The following ARHGEF28 variants were observed in gnomAD, a reference collection of about 807,000 sequenced individuals.
ARHGEF28 encodes Rho guanine nucleotide exchange factor 28, also known as 190 kDa guanine nucleotide exchange factor.
In ARHGEF28, 152 loss-of-function variants were observed where a neutral mutation model predicts 206.6. That is an observed-to-expected ratio of 0.74 (90% CI 0.64 to 0.84). The LOEUF (loss-of-function observed/expected upper bound fraction) is 0.84. Ranked by LOEUF, ARHGEF28 falls within the 40% of genes least tolerant of loss-of-function variation. The probability of loss-of-function intolerance (pLI) is 0.00; values close to 1 mark genes in which losing one functional copy is unlikely to be tolerated. For synonymous variants in ARHGEF28, 763 were observed against 776.4 expected (o/e 0.98, Z 0.29); for missense variants, 2,028 against 2,073.2 (o/e 0.98, Z 0.42).
chr5:73,641,190 G>A (rs1038871413), intron 1 of ARHGEF28, among the ~76,000 whole-genome samples: 2 of 152,164 alleles, frequency 1.3e-5, no homozygotes, highest in African/African-American at 4.8e-5. Flanking sequence ...CCCTCTTTCA[G>A]GAAAAATGAG....
At chr5:73,898,589 T>TCA (rs368329274) in intron 30 of ARHGEF28, 7 of 152,988 alleles carry the variant, frequency 4.6e-5, no homozygotes, top group Admixed American at 1.3e-4. Context: ...TCTCTCTCTC[T>TCA]CACACACACG....
intron 1 of ARHGEF28, among the ~76,000 whole-genome samples, chr5:73,626,532 G>GA (rs1743017636): frequency 6.6e-6 from 1 of 152,098 alleles, no homozygotes; most frequent in Non-Finnish European, 1.5e-5. Context: ...AACAAGTGGA[G>GA]AGGGCGGCGC....
intron 1 of ARHGEF28, among the ~76,000 whole-genome samples, chr5:73,673,884 C>A (rs1580467121): frequency 6.6e-6 from 1 of 151,850 alleles, no homozygotes; most frequent in South Asian, 2.1e-4. Flanking sequence ...GCAATTAAGA[C>A]ATACTGTAGG....
chr5:73,870,060 AC>A lies in ARHGEF28; in HGVS notation c.2426-8del, dbSNP rs752225772. Reference sequence around the variant, plus strand: ...TACTTCTGGCTTTTCTTTTCTAAACACACATTAGATGTTGTGGATTCTTCTC... The same window carrying A: ...TACTTCTGGCTTTTCTTTTCTAAACAACATTAGATGTTGTGGATTCTTCTC... On this transcript the variant is annotated splice_polypyrimidine_tract_variant and splice_region_variant and intron_variant, in intron 20 of 35. Coordinates refer to ENST00000513042, the MANE Select transcript of ARHGEF28 (RefSeq NM_001177693.2). 8.7e-6 allele frequency: 14 copies of A among 1,606,952 alleles called. No homozygotes were observed. The African/African-American group carries it at 1.9e-4, about 22-fold the overall frequency.
At chr5:73,750,990 T>G (rs905160) in intron 3 of ARHGEF28, among the ~76,000 whole-genome samples, 44,431 of 152,206 alleles carry the variant, frequency 0.29, 6,741 homozygotes, top group African/African-American at 0.34. Context: ...CAGATACCTC[T>G]TAGCTCTACC....
At chr5:73,810,531 C>A (rs1425472560) in intron 9 of ARHGEF28, among the ~76,000 whole-genome samples, 4 of 152,084 alleles carry the variant, frequency 2.6e-5, no homozygotes, top group Non-Finnish European at 5.9e-5. Flanking sequence ...GGAGGAACAG[C>A]CTATTCCAGT....
intron 10 of ARHGEF28, among the ~76,000 whole-genome samples, chr5:73,836,790 C>T (rs932248515): frequency 2.0e-5 from 3 of 152,036 alleles, no homozygotes; most frequent in Admixed American, 2.0e-4. Context: ...TTTATGGTCT[C>T]AGGTTTTATG....
chr5:73,880,132 C>T (rs2973579), intron 22 of ARHGEF28, among the ~76,000 whole-genome samples: 84,379 of 151,846 alleles, frequency 0.56, 24,211 homozygotes, highest in African/African-American at 0.69. Flanking sequence ...TGGGCAATGG[C>T]GGGCGCCCCT....
At chr5:73,812,922 G>A (rs146946990) in intron 9 of ARHGEF28, among the ~76,000 whole-genome samples, 2 of 152,204 alleles carry the variant, frequency 1.3e-5, no homozygotes, top group East Asian at 3.9e-4. Context: ...TTAAAAGGGC[G>A]GTGAGACTGG....
intron 5 of ARHGEF28, among the ~76,000 whole-genome samples, 197 bp from the exon 6 acceptor site, chr5:73,776,319 C>A (rs571403092): frequency 9.5e-4 from 144 of 152,290 alleles, no homozygotes; most frequent in African/African-American, 3.4e-3. Flanking sequence ...CAATAGACTT[C>A]TTCTCTAGGT....
chr5:73,780,303 G>A (rs1164927274), intron 6 of ARHGEF28: 3 of 215,376 alleles, frequency 1.4e-5, no homozygotes, highest in African/African-American at 6.9e-5. Context: ...CTGTGTCTTA[G>A]GATGTGGATT....
chr5:73,879,702 T>C (rs1263663087), intron 22 of ARHGEF28, among the ~76,000 whole-genome samples: 1 of 152,214 alleles, frequency 6.6e-6, no homozygotes, highest in African/African-American at 2.4e-5. Flanking sequence ...CCAGACCCTG[T>C]TTGCCTGGGT....
chr5:73,888,918 A>T (rs946510691), intron 26 of ARHGEF28, among the ~76,000 whole-genome samples: 2 of 152,198 alleles, frequency 1.3e-5, no homozygotes, highest in Non-Finnish European at 2.9e-5. Context: ...TACTGATACT[A>T]TTTCTTAAAT....
intron 1 of ARHGEF28, among the ~76,000 whole-genome samples, chr5:73,677,237 G>A (rs1464503526): frequency 2.0e-5 from 3 of 152,082 alleles, no homozygotes; most frequent in African/African-American, 7.2e-5. Context: ...AGATAGCATT[G>A]GCTTCTTCAT....
At chr5:73,687,286 A>G (rs1747532658) in intron 2 of ARHGEF28, among the ~76,000 whole-genome samples, 1 of 152,094 alleles carries the variant, frequency 6.6e-6, no homozygotes, top group Non-Finnish European at 1.5e-5. Context: ...ATTCTAGGTA[A>G]TTAAAAATTA....
intron 26 of ARHGEF28, among the ~76,000 whole-genome samples, chr5:73,890,914 T>A (rs1385311136): frequency 2.6e-5 from 4 of 152,250 alleles, no homozygotes; most frequent in Admixed American, 6.5e-5. Context: ...CCAAGCATCA[T>A]CAGTGTGCTG....
At chr5:73,806,333 A>G (rs573740209) in intron 9 of ARHGEF28, among the ~76,000 whole-genome samples, 3 of 131,614 alleles carry the variant, frequency 2.3e-5, no homozygotes, top group African/African-American at 8.9e-5. Flanking sequence ...TCTATAGAGT[A>G]TATATATACT....
intron 4 of ARHGEF28, among the ~76,000 whole-genome samples, chr5:73,770,192 C>T (rs1753144801): frequency 6.6e-6 from 1 of 152,122 alleles, no homozygotes; most frequent in African/African-American, 2.4e-5. Flanking sequence ...CAGATAGTAA[C>T]CATAGAGTTA....
chr5:73,891,245 C>T (rs1204758096), intron 26 of ARHGEF28, among the ~76,000 whole-genome samples: 2 of 152,060 alleles, frequency 1.3e-5, no homozygotes, highest in Non-Finnish European at 2.9e-5. Context: ...ATTGGTTACG[C>T]CTGGGGAATC....
Sources: gnomAD v4.1 joint callset for allele counts (sites outside exome capture counted in the v4.1 genomes callset) on GRCh38, gnomAD v4.1.1 for gene constraint, MANE v1.5 for transcripts, NCBI Gene and HGNC (gene_info 2026-07-23, HGNC 2026-07-21) for gene names.